Variants in ABI3BP observed in about 807,000 individuals in gnomAD.
The protein encoded by ABI3BP is target of Nesh-SH3.
In ABI3BP, 216 loss-of-function variants were observed where a neutral mutation model predicts 268.6. The observed-to-expected ratio is 0.80, with a 90% confidence interval of 0.72 to 0.90. ABI3BP has a LOEUF of 0.90. Among genes scored for constraint, ABI3BP ranks in the 40% least tolerant of loss-of-function variants. The probability of loss-of-function intolerance (pLI) is 0.00; values close to 1 mark genes in which losing one functional copy is unlikely to be tolerated. For synonymous variants in ABI3BP, 730 were observed against 730.0 expected, an observed-to-expected ratio of 1.00 and a Z score of 0.00; for missense variants, 2,090 against 2,182.4, an observed-to-expected ratio of 0.96 and a Z score of 0.84.
At chr3:100,984,634 T>C (rs2090999375) in intron 1 of ABI3BP, among the ~76,000 whole-genome samples, 1 of 152,178 alleles carries the variant, frequency 6.6e-6, no homozygotes, top group African/African-American at 2.4e-5. Context: ...AAGGCTTTAG[T>C]AGGTGAGGGA....
At position 100,870,929 on chromosome 3, in the gene ABI3BP, G is replaced by A. The variant is rs552619235; in HGVS notation, c.910+3912C>T. Among the ~76,000 whole-genome samples, 12 of 152,234 alleles carry A rather than the reference G, an allele frequency of 7.9e-5. No homozygotes were observed. The South Asian group carries it at 1.9e-3, about 24-fold the overall frequency. On this transcript the variant is annotated intron_variant, in intron 9 of 67. Transcript: ENST00000471714. ...GAGGATATTATGCTAAATGATATAAGCCAAGCACAGAAAGAAAAACACTGC... is the reference window on the plus strand; with the variant it reads ...GAGGATATTATGCTAAATGATATAAACCAAGCACAGAAAGAAAAACACTGC...
chr3:100,807,575 T>C (rs2097748838), intron 50 of ABI3BP, among the ~76,000 whole-genome samples: 2 of 151,970 alleles, frequency 1.3e-5, no homozygotes, highest in Admixed American at 6.6e-5. Context: ...TTTTCCCCTG[T>C]AGCAAAACAA....
Position 100,750,131 on chromosome 3 carries a change from T to C in ABI3BP, c.*364A>G. Reference sequence around the variant, plus strand: ...TAGGAAGAGTACACATCAATAAAAGTAAATTTTTTTTAAAAAGTATATACC... The same window carrying C: ...TAGGAAGAGTACACATCAATAAAAGCAAATTTTTTTTAAAAAGTATATACC... On this transcript the variant is annotated 3_prime_UTR_variant, in exon 68 of 68. Transcript: ENST00000471714. 1 of 215,918 alleles carries C rather than the reference T, an allele frequency of 4.6e-6. No homozygotes were observed. Among genetic ancestry groups the C allele is most frequent in the Non-Finnish European group, 8.9e-6 (1 of 111,772 alleles). The allele number at this position is 215,918 out of a possible 1,614,324, so 13.4% of individuals were successfully genotyped here. A position where few individuals can be genotyped will look rare whatever the true frequency, so the allele number is the denominator to read the frequency against.
In ABI3BP at chr3:100,832,278, G is replaced by C. The variant is rs942596167; in HGVS notation, c.2387C>G (p.Pro796Arg). The change falls in exon 31 of 68, where the codon CCT becomes CGT. Residue 796 changes from proline to arginine, a missense_variant. Physicochemically the swap from Pro to Arg is moderately radical, Grantham distance 103. Coordinates refer to ENST00000471714, the MANE Select transcript of ABI3BP (RefSeq NM_001375547.2). ...KPKTTPHPEVPQTKLVPATIL... is the reference protein window; with the variant it reads ...KPKTTPHPEVRQTKLVPATIL... ...TACATATTTACCCAGTTTAGTTTGA[G>C]GTACTTCTGGATGGGGCGTGGTTTT... The C allele has an allele frequency of 4.6e-6, 7 of 1,535,384 alleles. No individual in the cohort carries two copies. The Admixed American group carries it at 1.4e-4, about 30-fold the overall frequency.
Position 100,792,741 on chromosome 3 carries a change from G to C in ABI3BP, c.3974C>G (p.Pro1325Arg), listed in dbSNP as rs114144845. The C allele has an allele frequency of 1.9e-6, 3 of 1,611,572 alleles. No homozygotes were observed. Among genetic ancestry groups the C allele is most frequent in the Non-Finnish European group, 2.5e-6 (3 of 1,178,290 alleles). Residue 1325 changes from proline (P) to arginine (R), a missense_variant, in exon 55 of 68, where the codon CCT becomes CGT. Pro to Arg is a moderately radical substitution (Grantham distance 103). Coordinates refer to ENST00000471714, the MANE Select transcript of ABI3BP (RefSeq NM_001375547.2). ...LEETDQSTQE[P>R]FTTKIPRTTE... ...TGTTCGTGGAATCTTAGTTGTGAAA[G>C]GTTCTTGGGTGGATTGGTCTGTTTC...
intron 52 of ABI3BP, 113 bp downstream of exon 52, chr3:100,796,296 A>T (rs925725820): frequency 2.4e-6 from 2 of 823,484 alleles, no homozygotes; most frequent in Non-Finnish European, 3.6e-6. Flanking sequence ...TTATACCCAT[A>T]TTTTTTCTCT....
chr3:100,754,158 T>C (rs2095492443), intron 64 of ABI3BP, among the ~76,000 whole-genome samples: 1 of 152,234 alleles, frequency 6.6e-6, no homozygotes, highest in African/African-American at 2.4e-5. Flanking sequence ...AAAAACTTCA[T>C]GGTAAAAATC....
intron 52 of ABI3BP, among the ~76,000 whole-genome samples, chr3:100,796,135 A>G (rs899241583): frequency 6.6e-6 from 1 of 152,044 alleles, no homozygotes; most frequent in African/African-American, 2.4e-5. Context: ...CTACATTTAC[A>G]TTTTGAAAGG....
intron 66 of ABI3BP, 44 bp downstream of exon 66, chr3:100,752,742 TC>T: frequency 1.3e-6 from 2 of 1,592,812 alleles, no homozygotes; most frequent in South Asian, 1.1e-5. Context: ...TGCAAAACAT[TC>T]CCATAAGTTA....
chr3:100,842,145 T>G, intron 20 of ABI3BP, 106 bp from the exon 21 acceptor site: 1 of 897,754 alleles, frequency 1.1e-6, no homozygotes, highest in Non-Finnish European at 1.7e-6. Flanking sequence ...GGTGAATGAT[T>G]AGGTTCTACT....
At chr3:100,943,553 C>T (rs1477115973) in intron 1 of ABI3BP, among the ~76,000 whole-genome samples, 1 of 152,048 alleles carries the variant, frequency 6.6e-6, no homozygotes, top group African/African-American at 2.4e-5. Flanking sequence ...TGCCCCTTCC[C>T]AGTTCATTCC....
intron 4 of ABI3BP, among the ~76,000 whole-genome samples, chr3:100,897,895 GA>G (rs1408681410): frequency 6.6e-6 from 1 of 152,148 alleles, no homozygotes; most frequent in Non-Finnish European, 1.5e-5. Flanking sequence ...ATTGAAGCTT[GA>G]AAATTTTGAA....
chr3:100,838,597 G>GA, intron 24 of ABI3BP, 133 bp from the exon 25 acceptor site: 1 of 747,530 alleles, frequency 1.3e-6, no homozygotes, highest in East Asian at 2.7e-5. Flanking sequence ...TGGGAAGGGT[G>GA]AAAAGAGTGT....
intron 1 of ABI3BP, among the ~76,000 whole-genome samples, chr3:100,939,661 T>G (rs146826918): frequency 7.2e-5 from 11 of 152,176 alleles, no homozygotes; most frequent in Admixed American, 2.0e-4. Context: ...CAGGGCAAGA[T>G]CACAGAACCA....
chr3:100,792,829 A>G lies in ABI3BP; in HGVS notation c.3947-61T>C. On this transcript the variant is annotated intron_variant, in intron 54 of 67. Coordinates refer to ENST00000471714, the MANE Select transcript of ABI3BP (RefSeq NM_001375547.2). ...AATTAACATTATGAATATGACCAAA[A>G]AAACCCATACTCTTTTCTGTCCCAT... is the stretch of plus-strand genomic sequence containing the variant. 4 of 1,410,440 alleles carry G rather than the reference A, an allele frequency of 2.8e-6. No individual in the cohort carries two copies. In the South Asian group the frequency reaches 4.7e-5, roughly 16 times the overall value. 87.4% of individuals were successfully genotyped at this position (1,410,440 alleles called of 1,614,324 possible). A position where few individuals can be genotyped will look rare whatever the true frequency, so the allele number is the denominator to read the frequency against.
intron 59 of ABI3BP, among the ~76,000 whole-genome samples, chr3:100,777,352 G>A (rs2096734126): frequency 6.6e-6 from 1 of 152,212 alleles, no homozygotes; most frequent in African/African-American, 2.4e-5. Flanking sequence ...AGAACCCTCA[G>A]TATGAGGTAA....
intron 2 of ABI3BP, among the ~76,000 whole-genome samples, chr3:100,910,549 A>G (rs558343107): frequency 6.7e-6 from 1 of 148,810 alleles, no homozygotes; most frequent in East Asian, 2.0e-4. Flanking sequence ...TTTTTTTTTA[A>G]AAAAAAAATA....
At chr3:100,793,783 T>C (rs2097263606) in intron 54 of ABI3BP, among the ~76,000 whole-genome samples, 1 of 151,992 alleles carries the variant, frequency 6.6e-6, no homozygotes, top group African/African-American at 2.4e-5. Context: ...GGCCACTGAC[T>C]TAAACAAAGC....
At chr3:100,982,018 G>A (rs546223519) in intron 1 of ABI3BP, among the ~76,000 whole-genome samples, 1 of 152,280 alleles carries the variant, frequency 6.6e-6, no homozygotes, top group African/African-American at 2.4e-5. Flanking sequence ...CTGCATGGCT[G>A]GGGAGGCCTC....
Sources: gnomAD v4.1 joint callset for allele counts (sites outside exome capture counted in the v4.1 genomes callset) on GRCh38, gnomAD v4.1.1 for gene constraint, MANE v1.5 for transcripts, NCBI Gene and HGNC (gene_info 2026-07-23, HGNC 2026-07-21) for gene names.